The following ASH1L variants were observed in gnomAD, a reference collection of about 807,000 sequenced individuals.
ASH1L encodes ASH1 like histone lysine methyltransferase.
A neutral mutation model predicts 269.0 loss-of-function variants in ASH1L; 23 were observed. The ratio of observed to expected loss-of-function variants is 0.09; its 90% CI spans 0.06 to 0.12. The LOEUF is 0.12. Ranked by LOEUF, ASH1L falls within the 10% of genes least tolerant of loss-of-function variation. The probability of loss-of-function intolerance (pLI) is 1.00; values close to 1 mark genes in which losing one functional copy is unlikely to be tolerated. For synonymous variants in ASH1L, 1,187 were observed against 1,253.5 expected (o/e 0.95, Z 1.12); for missense variants, 2,912 against 3,567.8 (o/e 0.82, Z 4.68).
In ASH1L at chr1:155,480,873, G is replaced by C. The variant is rs1665906555; in HGVS notation, c.1997C>G (p.Thr666Ser). The change falls in exon 3 of 28, where the codon ACT becomes AGT. Residue 666 changes from threonine (T) to serine (S), a missense_variant. Around this residue, in one of 13 missense-constraint regions of ASH1L, gnomAD observed 715 missense variants for 721.0 expected, o/e 0.99. Coordinates refer to ENST00000392403, the MANE Select transcript of ASH1L (RefSeq NM_018489.3). ...LTSESSIHTI[T>S]PSVVNFTSLF... Reference sequence around the variant, plus strand: ...ACTAGTGAAGTTAACAACTGAAGGAGTAATAGTATGAATGCTGGATTCAGA... The same window carrying C: ...ACTAGTGAAGTTAACAACTGAAGGACTAATAGTATGAATGCTGGATTCAGA... 6.2e-7 allele frequency: 1 copy of C among 1,613,886 alleles called. No homozygotes were observed. The highest frequency in any genetic ancestry group is 8.5e-7 in the Non-Finnish European group (1 of 1,179,916).
intron 25 of ASH1L, among the ~76,000 whole-genome samples, chr1:155,341,128 C>T (rs564978196): frequency 1.4e-4 from 21 of 151,502 alleles, no homozygotes; most frequent in Non-Finnish European, 2.9e-4. Flanking sequence ...CGCGCCACCA[C>T]ACCTGGCTAA....
intron 6 of ASH1L, among the ~76,000 whole-genome samples, chr1:155,406,002 G>A (rs775195229): frequency 2.0e-4 from 30 of 151,852 alleles, no homozygotes; most frequent in Admixed American, 4.6e-4. Context: ...TCCGGAGTTC[G>A]AGACCAGCCT....
At chr1:155,344,712 A>T (rs931841533) in intron 21 of ASH1L, 5 of 157,590 alleles carry the variant, frequency 3.2e-5, no homozygotes, top group Non-Finnish European at 7.0e-5. Context: ...TTCTTTTTTT[A>T]AAAATGACTT....
intron 12 of ASH1L, among the ~76,000 whole-genome samples, chr1:155,368,558 A>G (rs1270063834): frequency 6.6e-6 from 1 of 152,034 alleles, no homozygotes; most frequent in Non-Finnish European, 1.5e-5. Context: ...CGCGGGTTCA[A>G]GCAATTCTCT....
chr1:155,423,306 C>T (rs780797629), intron 5 of ASH1L, among the ~76,000 whole-genome samples: 5 of 151,478 alleles, frequency 3.3e-5, no homozygotes, highest in Non-Finnish European at 5.9e-5. Context: ...TTCGGCCAGG[C>T]ATGGTGGCTC....
chr1:155,531,072 C>A (rs1317997603), intron 1 of ASH1L, among the ~76,000 whole-genome samples: 1 of 151,548 alleles, frequency 6.6e-6, no homozygotes, highest in African/African-American at 2.4e-5. Flanking sequence ...ATGAGAAGAT[C>A]ACTTGAGCCC....
chr1:155,479,563 G>C lies in ASH1L; in HGVS notation c.3307C>G (p.Leu1103Val), dbSNP rs755012717. Reference protein sequence around the residue: ...LPSSASSSEILPSPICSQSSG... With the variant: ...LPSSASSSEIVPSPICSQSSG... ...GACTGAGAGCAAATAGGTGATGGAA[G>C]AATCTCAGAACTACTAGCAGATGAA... is the stretch of plus-strand genomic sequence containing the variant. Residue 1103 changes from leucine to valine, a missense_variant, in exon 3 of 28, where the codon CTT becomes GTT. Coordinates refer to ENST00000392403, the MANE Select transcript of ASH1L (RefSeq NM_018489.3). 12 of 1,614,060 alleles carry C rather than the reference G, an allele frequency of 7.4e-6. No individual in the cohort carries two copies. Among genetic ancestry groups the C allele is most frequent in the Admixed American group, 1.7e-5 (1 of 60,008 alleles).
At chr1:155,509,872 T>G (rs756024470) in intron 2 of ASH1L, among the ~76,000 whole-genome samples, 1 of 152,118 alleles carries the variant, frequency 6.6e-6, no homozygotes, top group Non-Finnish European at 1.5e-5. Flanking sequence ...TTTGGAACCA[T>G]AACTCATAAA....
chr1:155,386,919 T>C (rs545606779), intron 7 of ASH1L, among the ~76,000 whole-genome samples: 2 of 152,306 alleles, frequency 1.3e-5, no homozygotes, highest in African/African-American at 2.4e-5. Context: ...TGTGCCTATG[T>C]CCTGAATGGT....
At position 155,354,621 on chromosome 1, in the gene ASH1L, C is replaced by T. The variant is rs139842910; in HGVS notation, c.7065G>A (p.Val2355=). ...KPMSNRERNF[V]LKHHVFLVRN... is the part of the protein sequence containing the mutation. ...GGACCAAGAATACATGATGCTTTAA[C>T]ACAAAGTTCCTGCAAGGAAGGAAAA... Residue 2355 remains valine, a synonymous_variant, in exon 16 of 28, where the codon GTG becomes GTA. Transcript: ENST00000392403. 1.2e-5 allele frequency: 19 copies of T among 1,607,370 alleles called. No individual in the cohort carries two copies. In the African/African-American group the frequency reaches 2.0e-4, roughly 17 times the overall value.
At chr1:155,491,612 A>C (rs902073734) in intron 2 of ASH1L, among the ~76,000 whole-genome samples, 1 of 152,176 alleles carries the variant, frequency 6.6e-6, no homozygotes, top group African/African-American at 2.4e-5. Flanking sequence ...TAAAGTGCTT[A>C]ATCACTGCAT....
Position 155,479,225 on chromosome 1 carries a change from C to A in ASH1L, c.3645G>T (p.Glu1215Asp), listed in dbSNP as rs1332354740. ...TCCTCTTTTTTTGCCCACAAAATTT[C>A]TCTGCCCTGTCTGATGTGCTGTTAT... ...TDNNSTSDRA[E>D]KFCGQKKRRH... The change falls in exon 3 of 28, where the codon GAG (glutamate) becomes GAT (aspartate). Residue 1215 changes from glutamate to aspartate, a missense_variant. Glu to Asp is a conservative substitution (Grantham distance 45). Around this residue, in one of 13 missense-constraint regions of ASH1L, gnomAD observed 789 missense variants for 897.6 expected, o/e 0.88. Coordinates refer to ENST00000392403, the MANE Select transcript of ASH1L (RefSeq NM_018489.3). 3 of 1,614,120 alleles carry A rather than the reference C, an allele frequency of 1.9e-6. No homozygotes were observed. Among genetic ancestry groups the A allele is most frequent in the Non-Finnish European group, 2.5e-6 (3 of 1,180,014 alleles).
chr1:155,376,576 G>A (rs1308405665), intron 10 of ASH1L, among the ~76,000 whole-genome samples: 2 of 152,140 alleles, frequency 1.3e-5, no homozygotes, highest in Non-Finnish European at 2.9e-5. Flanking sequence ...CTACTCGGGA[G>A]GCTGAGGTAG....
intron 26 of ASH1L, 79 bp from the exon 27 acceptor site, chr1:155,338,469 C>T: frequency 1.5e-6 from 2 of 1,365,186 alleles, no homozygotes; most frequent in African/African-American, 2.9e-5. Flanking sequence ...CTCAAGATGG[C>T]TTGAGATCCT....
chr1:155,386,741 T>C (rs968282376), intron 7 of ASH1L, among the ~76,000 whole-genome samples: 2 of 152,090 alleles, frequency 1.3e-5, no homozygotes, highest in South Asian at 2.1e-4. Flanking sequence ...AAGTTCCTTA[T>C]AGATGCTGGA....
intron 3 of ASH1L, among the ~76,000 whole-genome samples, chr1:155,470,701 G>A (rs1411736749): frequency 6.6e-6 from 1 of 151,750 alleles, no homozygotes; most frequent in African/African-American, 2.4e-5. Context: ...ACAGGCATGT[G>A]CCACCATGCC....
intron 1 of ASH1L, among the ~76,000 whole-genome samples, chr1:155,560,797 C>G (rs1430106600): frequency 6.6e-6 from 1 of 152,184 alleles, no homozygotes; most frequent in African/African-American, 2.4e-5. Flanking sequence ...CACATACAAC[C>G]TCAAGTGTCA....
Position 155,416,505 on chromosome 1 carries a change from G to A in ASH1L, c.5829-582C>T, listed in dbSNP as rs571157712. On this transcript the variant is annotated intron_variant, in intron 5 of 27. Coordinates refer to ENST00000392403, the MANE Select transcript of ASH1L (RefSeq NM_018489.3). ...TCCCTGAGAAATCTGAAAAAAATGC[G>A]GTGAGTCACACAACCACCTTGCCTT... Among the ~76,000 whole-genome samples, 27 of 151,970 alleles carry A rather than the reference G, an allele frequency of 1.8e-4. No individual in the cohort carries two copies. In the South Asian group the frequency reaches 3.5e-3, roughly 20 times the overall value.
chr1:155,418,103 CA>C (rs1273709986), intron 5 of ASH1L, among the ~76,000 whole-genome samples: 3 of 152,130 alleles, frequency 2.0e-5, no homozygotes, highest in Non-Finnish European at 4.4e-5. Flanking sequence ...AATAATGCGA[CA>C]TCACAATGTC....
Sources: gnomAD v4.1 joint callset for allele counts (sites outside exome capture counted in the v4.1 genomes callset) on GRCh38, gnomAD v4.1.1 for gene constraint, gnomAD v4.1.1 regional missense constraint, MANE v1.5 for transcripts, NCBI Gene and HGNC (gene_info 2026-07-23, HGNC 2026-07-21) for gene names.